Variants in DLG2 observed in about 807,000 individuals in gnomAD.
DLG2 encodes the protein discs large MAGUK scaffold protein 2, also known as disks large homolog 2.
DLG2 carries 45 observed loss-of-function variants against 132.5 expected under a neutral mutation model. The ratio of observed to expected loss-of-function variants is 0.34; its 90% CI spans 0.27 to 0.44. DLG2 has a LOEUF of 0.44. DLG2 is among the 20% of genes least tolerant of loss of function. The probability of loss-of-function intolerance (pLI) is 1.00; values close to 1 mark genes in which losing one functional copy is unlikely to be tolerated. For missense variants in DLG2, 1,045 were observed against 1,196.9 expected (o/e 0.87, Z 1.87); for synonymous variants, 424 against 419.6 (o/e 1.01, Z -0.13).
chr11:84,403,370 AC>A (rs1430022221), intron 7 of DLG2, among the ~76,000 whole-genome samples: 1 of 152,166 alleles, frequency 6.6e-6, no homozygotes, highest in Non-Finnish European at 1.5e-5. Context: ...AAGTCTTTAA[AC>A]GGTCCCCAGT....
chr11:84,028,184 T>C (rs754318529), intron 11 of DLG2, among the ~76,000 whole-genome samples: 6 of 152,082 alleles, frequency 3.9e-5, no homozygotes, highest in Non-Finnish European at 8.8e-5. Context: ...ATATTAACTA[T>C]GATAATAATG....
chr11:85,307,119 A>G (rs1452778903), intron 3 of DLG2, among the ~76,000 whole-genome samples: 1 of 152,222 alleles, frequency 6.6e-6, no homozygotes, highest in African/African-American at 2.4e-5. Flanking sequence ...AGTATAACGA[A>G]AGAAGACGCT....
chr11:84,517,545 G>A (rs61897754), intron 7 of DLG2, among the ~76,000 whole-genome samples: 12,422 of 151,926 alleles, frequency 0.082, 527 homozygotes, highest in South Asian at 0.13. Context: ...CACTGTTGAT[G>A]GGAATATAAA....
At chr11:85,472,312 T>C (rs1174521400) in intron 3 of DLG2, among the ~76,000 whole-genome samples, 1 of 152,084 alleles carries the variant, frequency 6.6e-6, no homozygotes, top group African/African-American at 2.4e-5. Context: ...TGTTTTTGTT[T>C]TTGTTTTTGA....
chr11:85,060,749 C>A (rs984559617), intron 6 of DLG2, among the ~76,000 whole-genome samples: 1 of 151,528 alleles, frequency 6.6e-6, no homozygotes, highest in Admixed American at 6.6e-5. Flanking sequence ...TTTTTATGAA[C>A]TCAAAACTGT....
At position 83,457,897 on chromosome 11, in the gene DLG2, T is replaced by C. The variant is rs1330428971; in HGVS notation, c.*1921A>G. The C allele has an allele frequency of 2.0e-5, 3 of 152,652 alleles. No individual in the cohort carries two copies. The highest frequency in any genetic ancestry group is 4.4e-5 in the Non-Finnish European group (3 of 68,040). 9.5% of individuals were successfully genotyped at this position (152,652 alleles called of 1,614,324 possible). On this transcript the variant is annotated 3_prime_UTR_variant, in exon 28 of 28. Transcript: ENST00000376104. Reference sequence around the variant, plus strand: ...ATTGGCAAAGGAAGCCTCAGGACTATGGGAAGATGCATAATTTTGCATTTC... The same window carrying C: ...ATTGGCAAAGGAAGCCTCAGGACTACGGGAAGATGCATAATTTTGCATTTC...
chr11:83,544,737 C>T (rs1159841359), intron 19 of DLG2, among the ~76,000 whole-genome samples: 2 of 152,002 alleles, frequency 1.3e-5, no homozygotes, highest in Non-Finnish European at 2.9e-5. Context: ...AATTAGTATC[C>T]CCACTTTATA....
intron 10 of DLG2, among the ~76,000 whole-genome samples, chr11:84,075,590 T>C (rs1217009470): frequency 1.3e-5 from 2 of 152,178 alleles, no homozygotes; most frequent in Non-Finnish European, 2.9e-5. Context: ...TACCTATAAT[T>C]ATTGGAATTA....
At chr11:84,530,980 G>T (rs931798711) in intron 7 of DLG2, among the ~76,000 whole-genome samples, 3 of 152,080 alleles carry the variant, frequency 2.0e-5, no homozygotes, top group Non-Finnish European at 4.4e-5. Flanking sequence ...AGGATCACGA[G>T]GTCAGGAGAT....
chr11:83,639,417 A>T (rs377762285), intron 18 of DLG2, among the ~76,000 whole-genome samples: 7 of 152,288 alleles, frequency 4.6e-5, no homozygotes, highest in African/African-American at 1.7e-4. Context: ...AGTCTTTGCT[A>T]TTGTGAATAA....
chr11:83,949,070 A>G (rs1254849075), intron 14 of DLG2, among the ~76,000 whole-genome samples: 3 of 152,208 alleles, frequency 2.0e-5, no homozygotes, highest in Non-Finnish European at 4.4e-5. Flanking sequence ...TTCAAAATGA[A>G]TTTTTACATT....
chr11:85,339,378 A>G (rs2082333825), intron 3 of DLG2, among the ~76,000 whole-genome samples: 1 of 152,194 alleles, frequency 6.6e-6, no homozygotes, highest in African/African-American at 2.4e-5. Flanking sequence ...CATTGCTACA[A>G]GAAGGATTAC....
chr11:85,274,389 T>C (rs948275701), intron 4 of DLG2, among the ~76,000 whole-genome samples: 1 of 152,156 alleles, frequency 6.6e-6, no homozygotes, highest in Non-Finnish European at 1.5e-5. Flanking sequence ...AGAGTCTCCT[T>C]TACTTACAGT....
intron 7 of DLG2, among the ~76,000 whole-genome samples, chr11:84,348,059 G>A (rs542778763): frequency 6.6e-6 from 1 of 152,248 alleles, no homozygotes; most frequent in African/African-American, 2.4e-5. Flanking sequence ...ACACAGGTGA[G>A]AGTACTATGG....
intron 20 of DLG2, among the ~76,000 whole-genome samples, chr11:83,535,327 A>T (rs1388869004): frequency 4.6e-5 from 7 of 152,218 alleles, no homozygotes; most frequent in African/African-American, 1.7e-4. Flanking sequence ...CAGGGTATGC[A>T]AATAAATTCT....
At chr11:85,096,382 C>T (rs953556776) in intron 6 of DLG2, among the ~76,000 whole-genome samples, 23 of 151,724 alleles carry the variant, frequency 1.5e-4, no homozygotes, top group African/African-American at 5.1e-4. Flanking sequence ...AGCAAGACCA[C>T]GAACCCACCG....
intron 19 of DLG2, among the ~76,000 whole-genome samples, chr11:83,584,138 C>G (rs1229017175): frequency 2.0e-5 from 3 of 152,128 alleles, no homozygotes; most frequent in Non-Finnish European, 2.9e-5. Flanking sequence ...GTCTCTGTTT[C>G]CTATTATAGA....
At chr11:84,530,121 A>C (rs974800968) in intron 7 of DLG2, among the ~76,000 whole-genome samples, 1 of 152,202 alleles carries the variant, frequency 6.6e-6, no homozygotes, top group African/African-American at 2.4e-5. Flanking sequence ...CCCCTTCCTT[A>C]TACCACGTAC....
At chr11:83,560,377 C>T (rs2096590817) in intron 19 of DLG2, among the ~76,000 whole-genome samples, 1 of 152,138 alleles carries the variant, frequency 6.6e-6, no homozygotes, top group African/African-American at 2.4e-5. Context: ...CTCAGCCTCC[C>T]AAAGTGCTGG....
Sources: gnomAD v4.1 joint callset for allele counts (sites outside exome capture counted in the v4.1 genomes callset) on GRCh38, gnomAD v4.1.1 for gene constraint, MANE v1.5 for transcripts, NCBI Gene and HGNC (gene_info 2026-07-23, HGNC 2026-07-21) for gene names.